Variants in RBMS3 observed in about 807,000 individuals in gnomAD.
The protein encoded by RBMS3 is RNA binding motif single stranded interacting protein 3.
Under a neutral mutation model 66.8 loss-of-function variants are expected in RBMS3, and 27 were observed. The ratio of observed to expected loss-of-function variants is 0.40; its 90% confidence interval spans 0.30 to 0.56. The LOEUF (loss-of-function observed/expected upper bound fraction) is 0.56, where lower values mean the gene tolerates loss of function less well. Ranked by LOEUF, RBMS3 falls within the 20% of genes least tolerant of loss-of-function variation. RBMS3 has a pLI of 0.40. For synonymous variants in RBMS3, 188 were observed against 183.0 expected, an observed-to-expected ratio of 1.03 and a Z score of -0.22; for missense variants, 513 against 549.5, an observed-to-expected ratio of 0.93 and a Z score of 0.66.
intron 3 of RBMS3, among the ~76,000 whole-genome samples, chr3:29,503,324 AT>A (rs1311713450): frequency 6.6e-6 from 1 of 151,836 alleles, no homozygotes; most frequent in Non-Finnish European, 1.5e-5. Flanking sequence ...CCAGCCTCTA[AT>A]TCTTACCGAG....
intron 1 of RBMS3, among the ~76,000 whole-genome samples, chr3:29,313,958 T>C (rs1336141206): frequency 6.6e-6 from 1 of 151,720 alleles, no homozygotes; most frequent in African/African-American, 2.4e-5. Context: ...CTTTAACAAA[T>C]ACACAGAAAT....
chr3:29,571,381 T>G (rs1383823645), intron 3 of RBMS3, among the ~76,000 whole-genome samples: 1 of 152,014 alleles, frequency 6.6e-6, no homozygotes, highest in African/African-American at 2.4e-5. Context: ...CTCCAATGTT[T>G]TCTTTTAGTA....
At chr3:29,745,248 G>GT (rs148192416) in intron 5 of RBMS3, among the ~76,000 whole-genome samples, 54,629 of 150,772 alleles carry the variant, frequency 0.36, 10,270 homozygotes, top group South Asian at 0.51. Context: ...GTGTGTGTGT[G>GT]TTTTTTTTTA....
chr3:29,931,958 A>C (rs2061140227), intron 10 of RBMS3, among the ~76,000 whole-genome samples: 1 of 152,184 alleles, frequency 6.6e-6, no homozygotes, highest in Non-Finnish European at 1.5e-5. Context: ...AATCACAGAC[A>C]TTTTGACTTG....
intron 4 of RBMS3, among the ~76,000 whole-genome samples, chr3:29,730,332 T>C (rs2054077660): frequency 6.6e-6 from 1 of 150,888 alleles, no homozygotes; most frequent in African/African-American, 2.4e-5. Flanking sequence ...GTCAGTAGAC[T>C]ACAATGAGAA....
chr3:29,514,780 A>ATATATATGATAGGCATATATATG (rs1576077336), intron 3 of RBMS3, among the ~76,000 whole-genome samples: 7 of 150,122 alleles, frequency 4.7e-5, no homozygotes, highest in East Asian at 2.0e-4. Context: ...ATAGGCATAT[A>ATATATATGATAGGCATATATATG]TATATATGAT....
intron 1 of RBMS3, among the ~76,000 whole-genome samples, chr3:29,397,910 C>G (rs1357437390): frequency 6.6e-6 from 1 of 152,080 alleles, no homozygotes; most frequent in Non-Finnish European, 1.5e-5. Flanking sequence ...CATAGGGTCT[C>G]GATCTCCCAT....
At chr3:29,503,220 C>T (rs536511895) in intron 3 of RBMS3, among the ~76,000 whole-genome samples, 7 of 151,944 alleles carry the variant, frequency 4.6e-5, no homozygotes, top group African/African-American at 1.2e-4. Flanking sequence ...AACATCCAAA[C>T]GCCTGCTAAG....
At chr3:29,574,294 C>G (rs1285582155) in intron 3 of RBMS3, among the ~76,000 whole-genome samples, 1 of 152,048 alleles carries the variant, frequency 6.6e-6, no homozygotes, top group African/African-American at 2.4e-5. Context: ...TGGATTGACC[C>G]CTTTATCATT....
At chr3:29,468,492 T>A (rs1356353485) in intron 2 of RBMS3, among the ~76,000 whole-genome samples, 2 of 152,160 alleles carry the variant, frequency 1.3e-5, no homozygotes, top group East Asian at 3.9e-4. Context: ...TAGAATACCG[T>A]AACTTTGTAG....
At chr3:29,420,655 T>A (rs2040677577) in intron 1 of RBMS3, among the ~76,000 whole-genome samples, 1 of 151,902 alleles carries the variant, frequency 6.6e-6, no homozygotes, top group African/African-American at 2.4e-5. Flanking sequence ...TTCAGAATAC[T>A]TGCACACCAC....
At chr3:29,422,986 T>C (rs1232951853) in intron 1 of RBMS3, among the ~76,000 whole-genome samples, 8 of 152,240 alleles carry the variant, frequency 5.3e-5, no homozygotes, top group African/African-American at 1.9e-4. Flanking sequence ...AACTATTTTA[T>C]GTCATGGAAT....
chr3:29,784,527 A>G (rs1001776413), intron 6 of RBMS3, among the ~76,000 whole-genome samples: 2 of 152,246 alleles, frequency 1.3e-5, no homozygotes, highest in African/African-American at 4.8e-5. Flanking sequence ...TCTGGGATAC[A>G]CTAAAAGTGG....
chr3:29,323,665 T>G (rs138308397), intron 1 of RBMS3, among the ~76,000 whole-genome samples: 2,507 of 145,454 alleles, frequency 0.017, 32 homozygotes, highest in Non-Finnish European at 0.021. Flanking sequence ...CTTCTGATAT[T>G]GGACACATAC....
chr3:29,840,367 A>G (rs915996193), intron 6 of RBMS3, among the ~76,000 whole-genome samples: 5 of 152,062 alleles, frequency 3.3e-5, no homozygotes, highest in Non-Finnish European at 7.4e-5. Context: ...AAAAACAACC[A>G]TATTTTCTAA....
rs2059802447 is a variant in RBMS3 at position 29,884,143 on chromosome 3, C to T, written c.745-19C>T. ...AAAACGTTAAGATTTGTTTTCTTCC[C>T]TCTTCATCCTATATACAGGCTGGCA... is the stretch of plus-strand genomic sequence containing the variant. On this transcript the variant is annotated intron_variant, in intron 7 of 14. Transcript: ENST00000383767. The T allele has an allele frequency of 1.9e-6, 3 of 1,607,608 alleles. No homozygotes were observed. Among genetic ancestry groups the T allele is most frequent in the South Asian group, 1.1e-5 (1 of 90,518 alleles).
At chr3:29,930,109 C>CTTTCTTTTTTTTTTTTTTTTTTTT (rs71091082) in intron 10 of RBMS3, among the ~76,000 whole-genome samples, 2 of 43,568 alleles carry the variant, frequency 4.6e-5, no homozygotes, top group Non-Finnish European at 5.2e-5. Flanking sequence ...TTCTTTCTTT[C>CTTTCTTTTTTTTTTTTTTTTTTTT]TTTTTTTTTT....
chr3:29,707,574 C>T (rs1229817288), intron 4 of RBMS3, among the ~76,000 whole-genome samples: 1 of 152,208 alleles, frequency 6.6e-6, no homozygotes, highest in Non-Finnish European at 1.5e-5. Context: ...TTCTTTTGCA[C>T]ACACAAAAAA....
chr3:29,805,572 T>C (rs1249082368), intron 6 of RBMS3, among the ~76,000 whole-genome samples: 19 of 151,960 alleles, frequency 1.3e-4, no homozygotes, highest in Admixed American at 1.2e-3. Context: ...ATGTTGATGA[T>C]CCTGACCCTG....
Sources: gnomAD v4.1 joint callset for allele counts (sites outside exome capture counted in the v4.1 genomes callset) on GRCh38, gnomAD v4.1.1 for gene constraint, MANE v1.5 for transcripts, NCBI Gene and HGNC (gene_info 2026-07-23, HGNC 2026-07-21) for gene names.